Variants in LMBR1 observed in about 807,000 individuals in gnomAD.
LMBR1 encodes limb development membrane protein 1.
In LMBR1, 52 loss-of-function variants were observed where a neutral mutation model predicts 73.9. The ratio of observed to expected loss-of-function variants is 0.70; its 90% CI spans 0.56 to 0.89. The LOEUF (loss-of-function observed/expected upper bound fraction) is 0.89, where lower values mean the gene tolerates loss of function less well. Ranked by LOEUF, LMBR1 falls within the 40% of genes least tolerant of loss-of-function variation. The pLI, the probability that LMBR1 is intolerant of heterozygous loss-of-function variation, is 0.00. For synonymous variants in LMBR1, 215 were observed against 209.4 expected (o/e 1.03, Z -0.23); for missense variants, 539 against 579.8 (o/e 0.93, Z 0.72).
intron 1 of LMBR1, among the ~76,000 whole-genome samples, chr7:156,870,815 G>A (rs375336722): frequency 6.6e-5 from 10 of 151,460 alleles, no homozygotes; most frequent in African/African-American, 2.2e-4. Flanking sequence ...AAACTTATGG[G>A]ATGAAACAAA....
At chr7:156,775,035 G>C (rs1433143798) in intron 5 of LMBR1, among the ~76,000 whole-genome samples, 1 of 152,108 alleles carries the variant, frequency 6.6e-6, no homozygotes, top group Non-Finnish European at 1.5e-5. Context: ...GTGGGACAAG[G>C]GGAAGGATCT....
At chr7:156,872,936 C>T (rs1011292045) in intron 1 of LMBR1, among the ~76,000 whole-genome samples, 1 of 152,164 alleles carries the variant, frequency 6.6e-6, no homozygotes, top group Admixed American at 6.5e-5. Context: ...CAAATGTGTC[C>T]GGAATTGGTG....
chr7:156,690,399 G>T (rs1267240457), intron 15 of LMBR1, among the ~76,000 whole-genome samples: 2 of 152,332 alleles, frequency 1.3e-5, no homozygotes, highest in South Asian at 2.1e-4. Context: ...TATATGCTCT[G>T]TGGTGGGTAA....
At chr7:156,704,525 A>G (rs1010394342) in intron 15 of LMBR1, among the ~76,000 whole-genome samples, 1 of 152,122 alleles carries the variant, frequency 6.6e-6, no homozygotes, top group African/African-American at 2.4e-5. Context: ...ATGTAAAGAT[A>G]CAAAAGGCCT....
chr7:156,718,158 G>C (rs1813634277), intron 15 of LMBR1, among the ~76,000 whole-genome samples: 1 of 152,062 alleles, frequency 6.6e-6, no homozygotes, highest in Non-Finnish European at 1.5e-5. Flanking sequence ...CCAGCACTTT[G>C]GGAGGCCAAG....
chr7:156,738,521 C>G (rs1486229575), intron 9 of LMBR1, among the ~76,000 whole-genome samples: 16 of 152,320 alleles, frequency 1.1e-4, no homozygotes, highest in African/African-American at 3.4e-4. Context: ...TGCACCACCT[C>G]TCCACCAACC....
intron 13 of LMBR1, 50 bp downstream of exon 13, chr7:156,725,714 T>C (rs770314027): frequency 1.8e-5 from 27 of 1,532,588 alleles, no homozygotes; most frequent in Non-Finnish European, 2.3e-5. Context: ...CCCAGAAAAC[T>C]TGGTATAAAA....
At chr7:156,688,464 C>T (rs1373728826) in intron 15 of LMBR1, among the ~76,000 whole-genome samples, 2 of 152,072 alleles carry the variant, frequency 1.3e-5, no homozygotes, top group African/African-American at 4.8e-5. Flanking sequence ...TTCGACGGAA[C>T]TCATGCTGAT....
At chr7:156,771,253 A>T (rs1333379588) in intron 5 of LMBR1, among the ~76,000 whole-genome samples, 2 of 151,982 alleles carry the variant, frequency 1.3e-5, no homozygotes, top group Admixed American at 1.3e-4. Context: ...TGAAATAGAG[A>T]CACGAAAAAC....
At chr7:156,689,959 G>A (rs73163990) in intron 15 of LMBR1, among the ~76,000 whole-genome samples, 5,137 of 152,258 alleles carry the variant, frequency 0.034, 136 homozygotes, top group Non-Finnish European at 0.044. Context: ...TCTCAGATAA[G>A]TAATTTTATC....
chr7:156,836,423 T>C (rs1837650214), intron 2 of LMBR1, among the ~76,000 whole-genome samples: 1 of 152,174 alleles, frequency 6.6e-6, no homozygotes, highest in African/African-American at 2.4e-5. Flanking sequence ...TAAATAGTAT[T>C]ATGGAGACTC....
Position 156,678,902 on chromosome 7 carries a change from A to C in LMBR1, c.*5176T>G, listed in dbSNP as rs1804534188. The stretch of plus-strand genomic sequence containing the variant: ...AAATCACTATCAAGTCCAGAAAGAG[A>C]ATTCTTAGCGAATTGTGGGACTGGA... On this transcript the variant is annotated 3_prime_UTR_variant, in exon 17 of 17. Transcript: ENST00000353442. 6.6e-6 allele frequency: 1 copy of C among 152,174 alleles called. No individual in the cohort carries two copies. The highest frequency in any genetic ancestry group is 1.5e-5 in the Non-Finnish European group (1 of 68,024). 9.4% of individuals were successfully genotyped at this position (152,174 alleles called of 1,614,324 possible). A position where few individuals can be genotyped will look rare whatever the true frequency, so the allele number is the denominator to read the frequency against.
At chr7:156,892,684 A>C in intron 1 of LMBR1, 3 of 277,562 alleles carry the variant, frequency 1.1e-5, no homozygotes, top group African/African-American at 2.7e-5. Flanking sequence ...GGGGCAGGGG[A>C]GGCAAGAGCG....
At chr7:156,764,669 C>A (rs78339967) in intron 5 of LMBR1, among the ~76,000 whole-genome samples, 1 of 152,196 alleles carries the variant, frequency 6.6e-6, no homozygotes, top group South Asian at 2.1e-4. Context: ...TATGTTATCT[C>A]ATTCCACATT....
intron 1 of LMBR1, among the ~76,000 whole-genome samples, chr7:156,872,774 G>A (rs967450471): frequency 1.3e-5 from 2 of 152,188 alleles, no homozygotes; most frequent in South Asian, 2.1e-4. Flanking sequence ...GCAGATGGGA[G>A]GCAGGACTAG....
downstream of LMBR1, chr7:156,677,694 G>GA (rs1380136209): frequency 6.6e-6 from 1 of 152,122 alleles, no homozygotes; most frequent in East Asian, 1.9e-4. Flanking sequence ...TCATCCCTTA[G>GA]AAAAAATACT....
intron 15 of LMBR1, among the ~76,000 whole-genome samples, chr7:156,712,782 A>T (rs188801555): frequency 5.9e-5 from 9 of 152,344 alleles, no homozygotes; most frequent in African/African-American, 2.2e-4. Flanking sequence ...GTATGTTCTC[A>T]ATTATAGATG....
chr7:156,857,315 A>C (rs1178378331), intron 1 of LMBR1, among the ~76,000 whole-genome samples: 1 of 152,204 alleles, frequency 6.6e-6, no homozygotes, highest in East Asian at 1.9e-4. Flanking sequence ...GTTAACAATA[A>C]TCAAGAGAAC....
At chr7:156,834,723 AGTTT>A (rs1837297509) in intron 2 of LMBR1, 1 of 157,116 alleles carries the variant, frequency 6.4e-6, no homozygotes. Context: ...TTATATATAA[AGTTT>A]GTTTAATCTT....
Sources: allele counts gnomAD v4.1 joint callset (sites outside exome capture counted in the v4.1 genomes callset), GRCh38; gene constraint gnomAD v4.1.1; transcripts MANE v1.5; gene names NCBI Gene and HGNC (gene_info 2026-07-23, HGNC 2026-07-21).